Variants in DNAH17 observed in about 807,000 individuals in gnomAD.
The protein encoded by DNAH17 is axonemal beta dynein heavy chain 17.
DNAH17 carries 376 observed loss-of-function variants against 485.6 expected under a neutral mutation model. The observed-to-expected ratio is 0.77, with a 90% confidence interval of 0.71 to 0.84. DNAH17 has a LOEUF of 0.84. Ranked by LOEUF, DNAH17 falls within the 40% of genes least tolerant of loss-of-function variation. The probability of loss-of-function intolerance (pLI) is 0.00; values close to 1 mark genes in which losing one functional copy is unlikely to be tolerated. For missense variants in DNAH17, 6,370 were observed against 5,839.3 expected (o/e 1.09, Z -2.96); for synonymous variants, 3,031 against 2,405.9 (o/e 1.26, Z -7.60).
chr17:78,512,940 CA>C (rs57734613), intron 26 of DNAH17, among the ~76,000 whole-genome samples: 4,939 of 83,220 alleles, frequency 0.059, 69 homozygotes, highest in African/African-American at 0.14. Context: ...GACTCTAACT[CA>C]AAAAAAAAAA....
In DNAH17 at chr17:78,571,395, A is replaced by C. The variant is rs1423151123; in HGVS notation, c.733-17T>G. The C allele has an allele frequency of 6.3e-7, 1 of 1,597,808 alleles. No homozygotes were observed. ...TCTGTTTAGCTGAGAAGGGGAGTGA[A>C]GATCCACCTTTCATTGACCTGGAAG... On this transcript the variant is annotated splice_polypyrimidine_tract_variant and intron_variant, in intron 4 of 80. Transcript: ENST00000389840.
intron 19 of DNAH17, among the ~76,000 whole-genome samples, chr17:78,536,800 A>C (rs375881714): frequency 4.8e-4 from 73 of 152,242 alleles, no homozygotes; most frequent in Non-Finnish European, 7.9e-4. Context: ...GACTGAGAAG[A>C]AGCTGCTTTG....
intron 11 of DNAH17, among the ~76,000 whole-genome samples, chr17:78,563,666 T>G (rs1026993691): frequency 3.9e-5 from 6 of 152,156 alleles, no homozygotes; most frequent in African/African-American, 1.4e-4. Flanking sequence ...AATTCTATTT[T>G]CCGCCAAAAG....
In DNAH17 at chr17:78,571,272, G is replaced by A. The variant is rs1170251159; in HGVS notation, c.832+7C>T. The stretch of plus-strand genomic sequence containing the variant: ...GTGCAGAACTCATGACAGGGTCACA[G>A]GCTCACCTTCAGTGACGTTGGTGTA... On this transcript the variant is annotated splice_region_variant and intron_variant, in intron 5 of 80. Transcript: ENST00000389840. The A allele has an allele frequency of 6.2e-7, 1 of 1,610,420 alleles. No homozygotes were observed. The highest frequency in any genetic ancestry group is 1.3e-5 in the African/African-American group (1 of 75,018).
At chr17:78,523,019 A>G (rs1041464317) in intron 25 of DNAH17, among the ~76,000 whole-genome samples, 2 of 151,972 alleles carry the variant, frequency 1.3e-5, no homozygotes, top group African/African-American at 4.8e-5. Context: ...ACGCCCAGCT[A>G]ATTTTTTGTA....
In DNAH17 at chr17:78,558,404, C is replaced by G. The variant is rs528808511; in HGVS notation, c.2032-150G>C. The G allele has an allele frequency of 6.1e-6, 6 of 988,450 alleles. No individual in the cohort carries two copies. In the South Asian group the frequency reaches 1.0e-4, roughly 17 times the overall value. 61.2% of individuals were successfully genotyped at this position (988,450 alleles called of 1,614,324 possible). A position where few individuals can be genotyped will look rare whatever the true frequency, so the allele number is the denominator to read the frequency against. On this transcript the variant is annotated intron_variant, in intron 13 of 80. Transcript: ENST00000389840. ...GGGAGGCAGTATTTGTTGGCAGGAC[C>G]AGGACGTTTTCACCCTGTTGGCTGA...
At position 78,480,070 on chromosome 17, in the gene DNAH17, C is replaced by A. The variant is rs571838093; in HGVS notation, c.7753-438G>T. Among the ~76,000 whole-genome samples, 21 of 128,750 alleles carry A rather than the reference C, an allele frequency of 1.6e-4. 4 individuals carry two copies. The highest frequency in any genetic ancestry group is 5.5e-4 in the African/African-American group (19 of 34,848). The allele number at this position is 128,750 out of a possible 152,430, so 84.5% of individuals were successfully genotyped here. ...TTTTTAAAAAAAGTATGTCCCAGGCCGGGCACGGTGACTCCCACCTGTAAT... is the reference window on the plus strand; with the variant it reads ...TTTTTAAAAAAAGTATGTCCCAGGCAGGGCACGGTGACTCCCACCTGTAAT... On this transcript the variant is annotated intron_variant, in intron 49 of 80. Coordinates refer to ENST00000389840, the MANE Select transcript of DNAH17 (RefSeq NM_173628.4).
chr17:78,572,943 C>G (rs763010631), intron 2 of DNAH17, 49 bp from the exon 3 acceptor site: 1 of 1,553,706 alleles, frequency 6.4e-7, no homozygotes, highest in African/African-American at 1.4e-5. Context: ...TTCACCAGCT[C>G]GGCAACCGCA....
chr17:78,574,585 T>G, intron 2 of DNAH17, 128 bp downstream of exon 2: 1 of 811,332 alleles, frequency 1.2e-6, no homozygotes, highest in South Asian at 1.9e-5. Context: ...GCGCCTGCAT[T>G]TCCAATCCCT....
Position 78,532,700 on chromosome 17 carries a change from T to A in DNAH17, c.2896A>T (p.Arg966Trp). Reference protein sequence around the residue: ...LEDNTDLIEMREEVSSLVINA... With the variant: ...LEDNTDLIEMWEEVSSLVINA... Reference sequence around the variant, plus strand: ...ATGACCAGGCTGGACACCTCCTCCCTCATCTCTATGAGGTCTGTGTTATCT... The same window carrying A: ...ATGACCAGGCTGGACACCTCCTCCCACATCTCTATGAGGTCTGTGTTATCT... Residue 966 changes from arginine (R) to tryptophan (W), a missense_variant, in exon 20 of 81, where the codon AGG (arginine) becomes TGG (tryptophan). Physicochemically the swap from Arg to Trp is moderately radical, Grantham distance 101. Transcript: ENST00000389840. The A allele has an allele frequency of 6.3e-7, 1 of 1,593,234 alleles. No homozygotes were observed. The highest frequency in any genetic ancestry group is 1.7e-5 in the Admixed American group (1 of 57,408).
rs778031819 is a variant in DNAH17, at chr17:78,468,858, T to G, written c.8537A>C (p.Lys2846Thr). ...CGAGGGAACGTTCTTCACGGCAGCC[T>G]TTATGTACTGAGCAGCGAGGTCAAT... ...LKIDLAAQYI[K>T]AAVKNVPSVF... The change falls in exon 55 of 81, where the codon AAG becomes ACG. Residue 2846 changes from lysine to threonine, a missense_variant. By Grantham distance (78) the Lys-to-Thr change is moderately conservative (BLOSUM62 -1). Coordinates refer to ENST00000389840, the MANE Select transcript of DNAH17 (RefSeq NM_173628.4). The G allele has an allele frequency of 7.4e-6, 12 of 1,613,710 alleles. No homozygotes were observed. The East Asian group carries it at 2.5e-4, about 33-fold the overall frequency.
At chr17:78,440,080 T>C (rs890812082) in intron 72 of DNAH17, among the ~76,000 whole-genome samples, 1 of 151,864 alleles carries the variant, frequency 6.6e-6, no homozygotes, top group Admixed American at 6.6e-5. Context: ...ACCACAGGCA[T>C]GCACCACTAT....
At chr17:78,542,647 C>T (rs2091628312) in intron 17 of DNAH17, among the ~76,000 whole-genome samples, 2 of 152,206 alleles carry the variant, frequency 1.3e-5, no homozygotes, top group South Asian at 2.1e-4. Context: ...CTGCATTCTC[C>T]CACTGAATGT....
intron 22 of DNAH17, among the ~76,000 whole-genome samples, 197 bp downstream of exon 22, chr17:78,529,275 C>T (rs551261546): frequency 5.9e-5 from 9 of 152,158 alleles, no homozygotes; most frequent in Non-Finnish European, 1.0e-4. Flanking sequence ...CTGGCCTCAC[C>T]GTGGAGGCAG....
At chr17:78,525,988 C>T (rs76186455) in intron 24 of DNAH17, among the ~76,000 whole-genome samples, 27,094 of 152,226 alleles carry the variant, frequency 0.18, 2,783 homozygotes, top group East Asian at 0.47. Flanking sequence ...GTGGGGCCGA[C>T]CCAGCAGTAC....
chr17:78,567,932 C>T (rs1176222026), intron 9 of DNAH17, among the ~76,000 whole-genome samples: 1 of 152,150 alleles, frequency 6.6e-6, no homozygotes, highest in Non-Finnish European at 1.5e-5. Context: ...AGAGTTTAGA[C>T]TGGAGATCTT....
chr17:78,486,118 C>T lies in DNAH17; in HGVS notation c.7117G>A (p.Val2373Met), dbSNP rs1215672108. 2.5e-6 allele frequency: 4 copies of T among 1,613,508 alleles called. No homozygotes were observed. The highest frequency in any genetic ancestry group is 3.4e-6 in the Non-Finnish European group (4 of 1,179,714). ...TTGATCCACCATTTACTGAACTCCACTCGATAATCCACAAGCTGTTGAGAC... is the reference window on the plus strand; with the variant it reads ...TTGATCCACCATTTACTGAACTCCATTCGATAATCCACAAGCTGTTGAGAC... ...MFQDQLVDYR[V>M]EFSKWWINEF... Residue 2373 changes from valine to methionine, a missense_variant, in exon 46 of 81, where the codon GTG (valine) becomes ATG (methionine). By Grantham distance (21) the Val-to-Met change is conservative (BLOSUM62 1). Coordinates refer to ENST00000389840, the MANE Select transcript of DNAH17 (RefSeq NM_173628.4).
chr17:78,463,238 C>G (rs939660736), intron 56 of DNAH17, among the ~76,000 whole-genome samples, 161 bp from the exon 57 acceptor site: 1 of 152,184 alleles, frequency 6.6e-6, no homozygotes, highest in African/African-American at 2.4e-5. Context: ...GCAACAGATC[C>G]TGGGGCCCTT....
chr17:78,557,289 A>C (rs1433056528), intron 14 of DNAH17, among the ~76,000 whole-genome samples: 1 of 152,150 alleles, frequency 6.6e-6, no homozygotes, highest in East Asian at 1.9e-4. Flanking sequence ...AATATTATCC[A>C]AAATTTGTTC....
Sources: gnomAD v4.1 joint callset for allele counts (sites outside exome capture counted in the v4.1 genomes callset) on GRCh38, gnomAD v4.1.1 for gene constraint, MANE v1.5 for transcripts, NCBI Gene and HGNC (gene_info 2026-07-23, HGNC 2026-07-21) for gene names.